The following POLB variants were observed in gnomAD, a reference collection of about 807,000 sequenced individuals.
POLB encodes the protein DNA polymerase beta.
Under a neutral mutation model 52.7 loss-of-function variants are expected in POLB, and 37 were observed. The ratio of observed to expected loss-of-function variants is 0.70; its 90% CI spans 0.54 to 0.92. POLB has a LOEUF of 0.92. POLB is among the 40% of genes least tolerant of loss of function. POLB has a pLI of 0.00. For missense variants in POLB, 313 were observed against 400.8 expected (o/e 0.78, Z 1.87); for synonymous variants, 138 against 131.3 (o/e 1.05, Z -0.35).
In POLB at chr8:42,371,613, T is replaced by C; in HGVS notation, c.964T>C (p.Tyr322His). 6.2e-7 allele frequency: 1 copy of C among 1,613,446 alleles called. No individual in the cohort carries two copies. The highest frequency in any genetic ancestry group is 8.5e-7 in the Non-Finnish European group (1 of 1,179,428). ...PVDSEKDIFDYIQWKYREPKD... is the reference protein window; with the variant it reads ...PVDSEKDIFDHIQWKYREPKD... ...GGATAGTGAAAAAGACATCTTTGAT[T>C]ACATCCAGTGGAAATACCGGGAACC... The change falls in exon 14 of 14, where the codon TAC (tyrosine) becomes CAC (histidine). Residue 322 changes from tyrosine to histidine, a missense_variant. Tyr to His is a moderately conservative substitution (Grantham distance 83). Around this residue, in one of 3 missense-constraint regions of POLB, gnomAD observed 246 missense variants for 297.6 expected, o/e 0.83. Coordinates refer to ENST00000265421, the MANE Select transcript of POLB (RefSeq NM_002690.3).
intron 9 of POLB, among the ~76,000 whole-genome samples, chr8:42,360,283 G>A (rs1182812598): frequency 6.6e-6 from 1 of 151,934 alleles, no homozygotes; most frequent in African/African-American, 2.4e-5. Flanking sequence ...TAAATATTTG[G>A]TTAAGGCACT....
At chr8:42,360,228 A>T (rs988331925) in intron 9 of POLB, among the ~76,000 whole-genome samples, 2 of 151,866 alleles carry the variant, frequency 1.3e-5, no homozygotes, top group African/African-American at 4.8e-5. Flanking sequence ...AAGTGCTAGG[A>T]TTACACGTGT....
chr8:42,339,101 C>T lies in POLB; in HGVS notation c.119+32C>T. Reference sequence around the variant, plus strand: ...CAGTGCAGCATTCTCGGGTAGCATACGTTCTGGGATACCCTGTTTAGTGTG... The same window carrying T: ...CAGTGCAGCATTCTCGGGTAGCATATGTTCTGGGATACCCTGTTTAGTGTG... On this transcript the variant is annotated intron_variant, in intron 2 of 13. Transcript: ENST00000265421. 5 of 1,526,310 alleles carry T rather than the reference C, an allele frequency of 3.3e-6. No homozygotes were observed. The South Asian group carries it at 5.6e-5, about 17-fold the overall frequency. The allele number at this position is 1,526,310 out of a possible 1,614,324, so 94.5% of individuals were successfully genotyped here. A position where few individuals can be genotyped will look rare whatever the true frequency, so the allele number is the denominator to read the frequency against.
chr8:42,338,570 A>C lies in POLB; in HGVS notation c.-55A>C, dbSNP rs372261806. 6.2e-5 allele frequency: 92 copies of C among 1,487,132 alleles called. No individual in the cohort carries two copies. The Middle Eastern group carries it at 1.0e-3, about 17-fold the overall frequency. 92.1% of individuals were successfully genotyped at this position (1,487,132 alleles called of 1,614,324 possible). On this transcript the variant is annotated 5_prime_UTR_variant, in exon 1 of 14. Transcript: ENST00000265421. ...GTCCTGGTACCTCCTTCAAGCTGGGAGAGGGCTCTAGTCCCTGGTTCTGAA... is the reference window on the plus strand; with the variant it reads ...GTCCTGGTACCTCCTTCAAGCTGGGCGAGGGCTCTAGTCCCTGGTTCTGAA...
At chr8:42,369,555 A>G (rs3136802) in intron 12 of POLB, 4 of 522,624 alleles carry the variant, frequency 7.7e-6, no homozygotes, top group South Asian at 6.4e-5. Flanking sequence ...GCACCTCACC[A>G]TGATGCCTTC....
intron 2 of POLB, among the ~76,000 whole-genome samples, chr8:42,341,071 G>A (rs1441928199): frequency 6.6e-6 from 1 of 152,186 alleles, no homozygotes; most frequent in Non-Finnish European, 1.5e-5. Context: ...GTATGAGTGG[G>A]AAATAAGTCT....
chr8:42,358,045 A>C (rs1214763362), intron 9 of POLB: 1 of 152,106 alleles, frequency 6.6e-6, no homozygotes, highest in East Asian at 1.9e-4. Flanking sequence ...TCTATAAGAG[A>C]GCTAAGAATA....
In POLB at chr8:42,354,522, G is replaced by T. The variant is rs1000935749; in HGVS notation, c.371-994G>T. The T allele has an allele frequency of 5.2e-6, 6 of 1,156,678 alleles. No homozygotes were observed. In the African/African-American group the frequency reaches 7.9e-5, roughly 15 times the overall value. The allele number at this position is 1,156,678 out of a possible 1,614,324, so 71.7% of individuals were successfully genotyped here. On this transcript the variant is annotated intron_variant, in intron 6 of 13. Coordinates refer to ENST00000265421, the MANE Select transcript of POLB (RefSeq NM_002690.3). Reference sequence around the variant, plus strand: ...ACAATTCTTAAGTTAAAAAATGCAGGTACAGTAATAATTTTCCTTTCAATG... The same window carrying T: ...ACAATTCTTAAGTTAAAAAATGCAGTTACAGTAATAATTTTCCTTTCAATG...
intron 11 of POLB, among the ~76,000 whole-genome samples, chr8:42,366,538 G>A (rs2130854088): frequency 6.6e-6 from 1 of 152,140 alleles, no homozygotes; most frequent in East Asian, 1.9e-4. Context: ...CATAGTCCCT[G>A]GAACTTAAAA....
chr8:42,366,349 G>T (rs1824036645), intron 11 of POLB, among the ~76,000 whole-genome samples: 3 of 152,164 alleles, frequency 2.0e-5, no homozygotes, highest in Admixed American at 2.0e-4. Flanking sequence ...GCATCCCCCA[G>T]ACATATTTCC....
At chr8:42,365,842 G>A (rs1824003230) in intron 11 of POLB, among the ~76,000 whole-genome samples, 1 of 152,214 alleles carries the variant, frequency 6.6e-6, no homozygotes, top group Non-Finnish European at 1.5e-5. Context: ...GCTCACGCCT[G>A]TAATCCCAGC....
intron 9 of POLB, among the ~76,000 whole-genome samples, chr8:42,358,783 T>G (rs571840428): frequency 5.4e-4 from 82 of 152,322 alleles, no homozygotes; most frequent in Non-Finnish European, 8.2e-4. Flanking sequence ...TCTACCACTA[T>G]TATGTCTCTC....
At chr8:42,355,929 G>T (rs1255647076) in intron 7 of POLB, among the ~76,000 whole-genome samples, 1 of 152,126 alleles carries the variant, frequency 6.6e-6, no homozygotes. Flanking sequence ...GTTGAGTGTA[G>T]CTTTTAAGAA....
chr8:42,350,985 C>T (rs1822946572), intron 5 of POLB, among the ~76,000 whole-genome samples: 1 of 151,892 alleles, frequency 6.6e-6, no homozygotes, highest in South Asian at 2.1e-4. Context: ...ACTCTCCTGC[C>T]TTAGTACTCC....
At chr8:42,343,204 C>T (rs1243211649) in intron 2 of POLB, among the ~76,000 whole-genome samples, 2 of 150,112 alleles carry the variant, frequency 1.3e-5, no homozygotes, top group Admixed American at 6.7e-5. Flanking sequence ...TGCCTGTAGT[C>T]CCAGCTACTC....
chr8:42,343,339 A>ATATAT (rs1822347326), intron 2 of POLB, among the ~76,000 whole-genome samples: 1 of 43,928 alleles, frequency 2.3e-5, no homozygotes, highest in African/African-American at 4.1e-5. Flanking sequence ...AAAAAAAAAA[A>ATATAT]AAAAAAATAT....
At chr8:42,344,323 G>A (rs1259031107) in intron 2 of POLB, among the ~76,000 whole-genome samples, 1 of 151,666 alleles carries the variant, frequency 6.6e-6, no homozygotes, top group Non-Finnish European at 1.5e-5. Context: ...CAAAAAATTA[G>A]CCAGGCATGG....
chr8:42,363,482 C>G (rs1242750492), intron 11 of POLB, among the ~76,000 whole-genome samples: 1 of 139,506 alleles, frequency 7.2e-6, no homozygotes, highest in Non-Finnish European at 1.5e-5. Flanking sequence ...GAGCCGAGAT[C>G]GCACCACTGC....
chr8:42,358,530 T>G (rs1049137640), intron 9 of POLB, among the ~76,000 whole-genome samples: 2 of 152,028 alleles, frequency 1.3e-5, no homozygotes, highest in Admixed American at 1.3e-4. Flanking sequence ...ACTTTTAAAA[T>G]TGGAATAGAA....
Sources: allele counts gnomAD v4.1 joint callset (sites outside exome capture counted in the v4.1 genomes callset), GRCh38; gene constraint gnomAD v4.1.1; regional missense constraint gnomAD v4.1.1; transcripts MANE v1.5; gene names NCBI Gene and HGNC (gene_info 2026-07-23, HGNC 2026-07-21).